The following BCAS4 variants were observed in gnomAD, a reference collection of about 807,000 sequenced individuals.
BCAS4 encodes breast carcinoma amplified sequence 4, also known as breast carcinoma-amplified sequence 4.
A neutral mutation model predicts 15.7 loss-of-function variants in BCAS4; 9 were observed. That is an observed-to-expected ratio of 0.57 (90% CI 0.34 to 1.00). BCAS4 has a LOEUF of 1.00. Among genes scored for constraint, BCAS4 ranks in the 50% least tolerant of loss-of-function variants. The pLI is 0.02. For synonymous variants in BCAS4, 101 were observed against 99.5 expected (o/e 1.02, Z -0.09); for missense variants, 225 against 239.1 (o/e 0.94, Z 0.39).
At chr20:50,848,844 C>A (rs182286436) in intron 4 of BCAS4, among the ~76,000 whole-genome samples, 10 of 152,392 alleles carry the variant, frequency 6.6e-5, no homozygotes, top group African/African-American at 2.4e-4. Context: ...GGCCCTTGTC[C>A]GGTCAGAGGA....
At chr20:50,836,681 T>G (rs1166095351) in intron 3 of BCAS4, among the ~76,000 whole-genome samples, 2 of 152,112 alleles carry the variant, frequency 1.3e-5, no homozygotes, top group Non-Finnish European at 2.9e-5. Context: ...AACCATGAGG[T>G]GACCTCTCAG....
At chr20:50,803,493 A>G (rs2087953535) in intron 1 of BCAS4, among the ~76,000 whole-genome samples, 1 of 152,198 alleles carries the variant, frequency 6.6e-6, no homozygotes, top group African/African-American at 2.4e-5. Flanking sequence ...GAGCACTAAT[A>G]TAGATTATAG....
At chr20:50,822,784 G>T (rs137952910) in intron 2 of BCAS4, among the ~76,000 whole-genome samples, 2,287 of 151,658 alleles carry the variant, frequency 0.015, 34 homozygotes, top group Non-Finnish European at 0.022. Flanking sequence ...CCACCACCAC[G>T]CCTGGCTAAT....
intron 4 of BCAS4, among the ~76,000 whole-genome samples, chr20:50,866,744 G>A (rs1979378946): frequency 6.6e-6 from 1 of 152,152 alleles, no homozygotes; most frequent in Non-Finnish European, 1.5e-5. Context: ...CCTGTGTGCT[G>A]GGACAGTGCA....
At chr20:50,857,382 C>T (rs1053614374) in intron 4 of BCAS4, among the ~76,000 whole-genome samples, 5 of 152,354 alleles carry the variant, frequency 3.3e-5, no homozygotes, top group Non-Finnish European at 5.9e-5. Flanking sequence ...CCGCCTGCCT[C>T]AGCCTCCCAA....
At chr20:50,803,158 G>C (rs1204071819) in intron 1 of BCAS4, among the ~76,000 whole-genome samples, 1 of 152,214 alleles carries the variant, frequency 6.6e-6, no homozygotes, top group African/African-American at 2.4e-5. Flanking sequence ...TCCAGCCTGG[G>C]CCACAGAGCA....
At chr20:50,829,273 C>A (rs1187386310) in intron 2 of BCAS4, among the ~76,000 whole-genome samples, 1 of 151,888 alleles carries the variant, frequency 6.6e-6, no homozygotes, top group African/African-American at 2.4e-5. Context: ...GATGGAGTTT[C>A]ACTCTGTCAC....
intron 4 of BCAS4, chr20:50,876,237 C>T: frequency 2.2e-6 from 1 of 457,554 alleles, no homozygotes; most frequent in Non-Finnish European, 4.0e-6. Context: ...AGTCATGAGC[C>T]ACTGCGCCTG....
At chr20:50,825,371 C>T (rs1369398802) in intron 2 of BCAS4, among the ~76,000 whole-genome samples, 2 of 152,130 alleles carry the variant, frequency 1.3e-5, no homozygotes, top group African/African-American at 2.4e-5. Flanking sequence ...TGTGAGCCAC[C>T]GCACCTGGCC....
intron 2 of BCAS4, among the ~76,000 whole-genome samples, chr20:50,828,703 T>C (rs1038387241): frequency 1.3e-5 from 2 of 152,090 alleles, no homozygotes; most frequent in African/African-American, 4.8e-5. Flanking sequence ...CGCCTGGACC[T>C]GGGAGGCGGA....
chr20:50,855,377 T>A (rs1224390697), intron 4 of BCAS4, among the ~76,000 whole-genome samples: 1 of 152,142 alleles, frequency 6.6e-6, no homozygotes, highest in Non-Finnish European at 1.5e-5. Flanking sequence ...TGCATCCCTA[T>A]CTGTGCCACT....
rs775196324 is a variant in BCAS4, at chr20:50,841,916, C to T, written c.399+16C>T. On this transcript the variant is annotated intron_variant, in intron 4 of 4. Coordinates refer to ENST00000371608, the MANE Select transcript of BCAS4 (RefSeq NM_198799.4). The stretch of plus-strand genomic sequence containing the variant: ...CTTCAGGAACGTGAGTATCCTGCCC[C>T]GAGAAGTGAGGGGAGGGCCTCTCCC... 7.1e-6 allele frequency: 11 copies of T among 1,548,680 alleles called. No homozygotes were observed. The highest frequency in any genetic ancestry group is 2.3e-5 in the East Asian group (1 of 43,192).
chr20:50,827,596 C>G (rs1379314612), intron 2 of BCAS4, among the ~76,000 whole-genome samples: 2 of 152,190 alleles, frequency 1.3e-5, no homozygotes, highest in Non-Finnish European at 2.9e-5. Flanking sequence ...TGCAGGTTGG[C>G]TTCTGTGTCC....
downstream of BCAS4, chr20:50,877,478 AT>A (rs1980013909): frequency 1.3e-5 from 2 of 152,246 alleles, no homozygotes; most frequent in Non-Finnish European, 2.9e-5. Flanking sequence ...TGCAATGGGT[AT>A]TTCTGGAATT....
intron 1 of BCAS4, among the ~76,000 whole-genome samples, chr20:50,796,072 A>G (rs549924546): frequency 3.0e-4 from 45 of 151,086 alleles, no homozygotes; most frequent in African/African-American, 1.0e-3. Context: ...TGGGCGACAG[A>G]GTGAGACATT....
At chr20:50,807,744 G>A (rs759711223) in intron 1 of BCAS4, among the ~76,000 whole-genome samples, 1 of 151,886 alleles carries the variant, frequency 6.6e-6, no homozygotes, top group African/African-American at 2.4e-5. Context: ...TCTCACTTAC[G>A]AGTGAGAACA....
intron 2 of BCAS4, among the ~76,000 whole-genome samples, chr20:50,824,544 G>C (rs2426202): frequency 0.37 from 56,849 of 152,148 alleles, 13,161 homozygotes; most frequent in African/African-American, 0.67. Flanking sequence ...ACTGAAATCT[G>C]TTTGCTCTTC....
chr20:50,830,042 G>A (rs1019987838), intron 2 of BCAS4, among the ~76,000 whole-genome samples: 2 of 152,142 alleles, frequency 1.3e-5, no homozygotes, highest in South Asian at 4.1e-4. Flanking sequence ...GGTGGTTGGT[G>A]GGAAGTGATT....
chr20:50,806,889 T>TG (rs2087996933), intron 1 of BCAS4, among the ~76,000 whole-genome samples: 1 of 108,208 alleles, frequency 9.2e-6, no homozygotes, highest in Non-Finnish European at 1.8e-5. Flanking sequence ...TTTTTTTTTT[T>TG]GAGACCGAGT....
Sources: allele counts gnomAD v4.1 joint callset (sites outside exome capture counted in the v4.1 genomes callset), GRCh38; gene constraint gnomAD v4.1.1; transcripts MANE v1.5; gene names NCBI Gene and HGNC (gene_info 2026-07-23, HGNC 2026-07-21).